Variants in MS4A5 observed in about 807,000 individuals in gnomAD.
MS4A5 encodes the protein membrane spanning 4-domains A5.
In MS4A5, 15 loss-of-function variants were observed where a neutral mutation model predicts 18.2. That is an observed-to-expected ratio of 0.83 (90% confidence interval 0.55 to 1.27). MS4A5 has a LOEUF of 1.27. MS4A5 is among the 50% of genes most tolerant of loss of function. MS4A5 has a pLI of 0.00. For missense variants in MS4A5, 232 were observed against 225.7 expected (o/e 1.03, Z -0.18); for synonymous variants, 89 against 78.7 (o/e 1.13, Z -0.69).
intron 4 of MS4A5, among the ~76,000 whole-genome samples, chr11:60,437,609 C>A (rs916940536): frequency 9.3e-5 from 14 of 151,284 alleles, no homozygotes; most frequent in Non-Finnish European, 1.3e-4. Context: ...CAAAAAAAGG[C>A]AGGGGTTGCA....
chr11:60,442,986 C>A (rs2086121947), intron 4 of MS4A5, among the ~76,000 whole-genome samples: 1 of 152,048 alleles, frequency 6.6e-6, no homozygotes, highest in Non-Finnish European at 1.5e-5. Flanking sequence ...ACTAAAAATA[C>A]AAAAATTAGC....
At chr11:60,435,965 C>T (rs2086077940) in intron 4 of MS4A5, among the ~76,000 whole-genome samples, 1 of 152,226 alleles carries the variant, frequency 6.6e-6, no homozygotes, top group Non-Finnish European at 1.5e-5. Flanking sequence ...CTGTAGGCTC[C>T]ACCTCTGGGG....
At chr11:60,441,523 A>G (rs1463086693) in intron 4 of MS4A5, among the ~76,000 whole-genome samples, 2 of 151,196 alleles carry the variant, frequency 1.3e-5, no homozygotes, top group African/African-American at 2.4e-5. Flanking sequence ...TAGAAACTCG[A>G]CAAAAAAAAT....
At chr11:60,437,883 G>A (rs2086089604) in intron 4 of MS4A5, among the ~76,000 whole-genome samples, 1 of 150,806 alleles carries the variant, frequency 6.6e-6, no homozygotes, top group African/African-American at 2.4e-5. Context: ...AAGTCAACAA[G>A]GATACCCAGG....
At chr11:60,435,621 A>T (rs2086075017) in intron 4 of MS4A5, 1 of 278,152 alleles carries the variant, frequency 3.6e-6, no homozygotes, top group Admixed American at 4.8e-5. Flanking sequence ...TCACTTGGGA[A>T]GCGCAAGGGG....
chr11:60,431,914 T>C (rs781423496), intron 2 of MS4A5, among the ~76,000 whole-genome samples: 1 of 152,148 alleles, frequency 6.6e-6, no homozygotes, highest in African/African-American at 2.4e-5. Context: ...GTAATCAGAT[T>C]TGAAATTTCC....
At chr11:60,444,745 A>T (rs1228252691) in intron 4 of MS4A5, among the ~76,000 whole-genome samples, 1 of 152,224 alleles carries the variant, frequency 6.6e-6, no homozygotes, top group Non-Finnish European at 1.5e-5. Context: ...CATTTTAATT[A>T]AAAGGACCAC....
rs950534663 is a variant in MS4A5 at position 60,435,599 on chromosome 11, C to T, written c.492+1682C>T. ...GCACCCTGCGCGAGCCGAAGCAGGG[C>T]GAGGCATTGCCTCACTTGGGAAGCG... is the stretch of plus-strand genomic sequence containing the variant. On this transcript the variant is annotated intron_variant, in intron 4 of 4. Coordinates refer to ENST00000300190, the MANE Select transcript of MS4A5 (RefSeq NM_023945.3). 6.8e-5 allele frequency: 19 copies of T among 279,892 alleles called. 1 individual carries two copies. Among genetic ancestry groups the T allele is most frequent in the East Asian group, 1.2e-4 (1 of 8,420 alleles). The allele number at this position is 279,892 out of a possible 1,614,324, so 17.3% of individuals were successfully genotyped here. A position where few individuals can be genotyped will look rare whatever the true frequency, so the allele number is the denominator to read the frequency against.
At chr11:60,432,501 T>A (rs1280670891) in intron 3 of MS4A5, 34 bp downstream of exon 3, 2 of 1,398,086 alleles carry the variant, frequency 1.4e-6, no homozygotes, top group Non-Finnish European at 9.9e-7. Flanking sequence ...AAAAATATAT[T>A]TTGTAGCCAG....
intron 3 of MS4A5, among the ~76,000 whole-genome samples, 182 bp downstream of exon 3, chr11:60,432,649 G>A (rs1377609628): frequency 6.6e-6 from 1 of 151,790 alleles, no homozygotes; most frequent in Non-Finnish European, 1.5e-5. Context: ...GCCAGGTGTG[G>A]TGGCACACAC....
chr11:60,433,190 A>C (rs2086060672), intron 3 of MS4A5, among the ~76,000 whole-genome samples: 1 of 152,242 alleles, frequency 6.6e-6, no homozygotes, highest in African/African-American at 2.4e-5. Flanking sequence ...TACGAAAGGC[A>C]AACTGTAGAC....
chr11:60,441,624 T>TG (rs2086113081), intron 4 of MS4A5, among the ~76,000 whole-genome samples: 1 of 35,982 alleles, frequency 2.8e-5, no homozygotes, highest in Admixed American at 3.5e-4. Context: ...TGTCAAGACT[T>TG]GAAAAAAAAA....
intron 4 of MS4A5, chr11:60,435,458 C>G (rs1339091097): frequency 7.1e-6 from 3 of 423,314 alleles, no homozygotes; most frequent in Non-Finnish European, 1.4e-5. Context: ...CAGCTCCGGT[C>G]TACAGCTCCC....
Position 60,430,854 on chromosome 11 carries a change from C to T in MS4A5, c.212C>T (p.Thr71Ile). 2 of 1,613,332 alleles carry T rather than the reference C, an allele frequency of 1.2e-6. No individual in the cohort carries two copies. Residue 71 changes from threonine (T) to isoleucine (I), a missense_variant, in exon 2 of 5, where the codon ACC becomes ATC. Coordinates refer to ENST00000300190, the MANE Select transcript of MS4A5 (RefSeq NM_023945.3). ...TFSFGVIFLFTLLKPYPRFPF... is the reference protein window; with the variant it reads ...TFSFGVIFLFILLKPYPRFPF... ...TCTTTTGGAGTTATCTTCCTTTTCA[C>T]CTTGTTAAAACCATATCCAAGGTTT... is the stretch of plus-strand genomic sequence containing the variant.
rs193153788 is a variant in MS4A5, at chr11:60,445,550, G to A, written c.493-2099G>A. ...GCTAGGATTACAGGCATGAGCTGGC[G>A]CAACCAGCCAAAATACACTTCTTTA... On this transcript the variant is annotated intron_variant, in intron 4 of 4. Transcript: ENST00000300190. Among the ~76,000 whole-genome samples, 190 of 152,148 alleles carry A rather than the reference G, an allele frequency of 1.2e-3. 1 individual carries two copies. The highest frequency in any genetic ancestry group is 4.4e-3 in the African/African-American group (182 of 41,488).
chr11:60,434,372 T>A (rs1235915743), intron 4 of MS4A5, among the ~76,000 whole-genome samples: 1 of 152,146 alleles, frequency 6.6e-6, no homozygotes, highest in African/African-American at 2.4e-5. Context: ...TGTAAAAGAA[T>A]GTAAAAGGTT....
intron 1 of MS4A5, among the ~76,000 whole-genome samples, 153 bp from the exon 2 acceptor site, chr11:60,430,643 A>T (rs1052330795): frequency 6.6e-6 from 1 of 152,206 alleles, no homozygotes; most frequent in Non-Finnish European, 1.5e-5. Context: ...TTAAGAAAGT[A>T]CCCAGGAGCA....
intron 2 of MS4A5, among the ~76,000 whole-genome samples, 176 bp downstream of exon 2, chr11:60,431,100 A>G (rs547064321): frequency 2.0e-5 from 3 of 152,364 alleles, no homozygotes; most frequent in African/African-American, 7.2e-5. Flanking sequence ...TTCCATCATT[A>G]GGTCTTGAAG....
intron 4 of MS4A5, among the ~76,000 whole-genome samples, chr11:60,441,456 T>TAAAAAAAAAAAA (rs201729443): frequency 9.4e-6 from 1 of 105,822 alleles, no homozygotes; most frequent in Non-Finnish European, 1.9e-5. Flanking sequence ...AAAAGGCCAT[T>TAAAAAAAAAAAA]AAAAAAAAAA....
Sources: allele counts gnomAD v4.1 joint callset (sites outside exome capture counted in the v4.1 genomes callset), GRCh38; gene constraint gnomAD v4.1.1; transcripts MANE v1.5; gene names NCBI Gene and HGNC (gene_info 2026-07-23, HGNC 2026-07-21).